Variants in SNRPN observed in about 807,000 individuals in gnomAD.
SNRPN encodes the protein small nuclear ribonucleoprotein polypeptide N.
A neutral mutation model predicts 25.2 loss-of-function variants in SNRPN; 7 were observed. The ratio of observed to expected loss-of-function variants is 0.28; its 90% CI spans 0.16 to 0.52. The LOEUF is 0.52. SNRPN is among the 20% of genes least tolerant of loss of function. The probability of loss-of-function intolerance (pLI) is 0.96; values close to 1 mark genes in which losing one functional copy is unlikely to be tolerated. For synonymous variants in SNRPN, 124 were observed against 110.6 expected (o/e 1.12, Z -0.76); for missense variants, 196 against 322.5 (o/e 0.61, Z 3.00).
intron 2 of SNRPN, chr15:24,909,944 G>A (rs2059105704): frequency 6.0e-6 from 3 of 501,144 alleles, no homozygotes; most frequent in East Asian, 3.3e-5. Context: ...CAAGGTATCT[G>A]TGTAAAATGC....
intron 2 of SNRPN, among the ~76,000 whole-genome samples, chr15:24,899,975 A>T (rs938430688): frequency 6.6e-6 from 1 of 152,186 alleles, no homozygotes; most frequent in Admixed American, 6.5e-5. Flanking sequence ...GTTTGGGCAC[A>T]TTCCACAGCT....
rs550703752 is a variant in SNRPN, at chr15:24,923,057, C to A, written c.-391+2933C>A. ...TGTAACTGGGACTACAGGCACCTGC[C>A]ACCACACCCAGCTAATTTTTGTATT... On this transcript the variant is annotated intron_variant, in intron 3 of 11. Transcript: ENST00000400097. Among the ~76,000 whole-genome samples the A allele has an allele frequency of 9.7e-4, 148 of 152,052 alleles. 2 individuals are homozygous for A. The highest frequency in any genetic ancestry group is 1.8e-3 in the Admixed American group (28 of 15,254).
At chr15:24,910,693 T>C (rs35116590) in intron 2 of SNRPN, among the ~76,000 whole-genome samples, 26,646 of 151,928 alleles carry the variant, frequency 0.18, 2,705 homozygotes, top group East Asian at 0.28. Context: ...TGGGGTTTCA[T>C]CATATTGGCC....
intron 1 of SNRPN, among the ~76,000 whole-genome samples, chr15:24,879,655 T>C (rs913122651): frequency 6.6e-5 from 10 of 152,188 alleles, no homozygotes; most frequent in Admixed American, 2.0e-4. Context: ...ATGAACAACA[T>C]CACATATTTT....
chr15:24,868,530 G>A (rs982877445), intron 1 of SNRPN, among the ~76,000 whole-genome samples: 4 of 152,154 alleles, frequency 2.6e-5, no homozygotes, highest in African/African-American at 9.7e-5. Flanking sequence ...TTCAAAATAA[G>A]TCAAGGTTGC....
chr15:24,950,469 GT>G (rs1276174677), upstream of SNRPN, among the ~76,000 whole-genome samples: 1 of 147,668 alleles, frequency 6.8e-6, no homozygotes, highest in East Asian at 2.1e-4. Context: ...GCCACCACCA[GT>G]TTTTTAGCTA....
At chr15:24,878,516 C>T (rs544688565) in intron 1 of SNRPN, among the ~76,000 whole-genome samples, 1 of 152,350 alleles carries the variant, frequency 6.6e-6, no homozygotes, top group East Asian at 1.9e-4. Context: ...ATGGCGCCCG[C>T]CGGGAGTCTC....
At chr15:24,868,475 T>G (rs1304605127) in intron 1 of SNRPN, among the ~76,000 whole-genome samples, 1 of 152,184 alleles carries the variant, frequency 6.6e-6, no homozygotes, top group Admixed American at 6.5e-5. Flanking sequence ...TTACATAGCA[T>G]AATTACCCAT....
At chr15:24,920,068 C>T (rs1315527679) in exon 3 of SNRPN, 1 of 152,186 alleles carries the variant, frequency 6.6e-6, no homozygotes, top group Non-Finnish European at 1.5e-5. Flanking sequence ...CCACCAGAAT[C>T]TCCTCTACAG....
intron 2 of SNRPN, among the ~76,000 whole-genome samples, chr15:24,919,646 T>G (rs1479146116): frequency 6.6e-6 from 1 of 152,054 alleles, no homozygotes; most frequent in Non-Finnish European, 1.5e-5. Flanking sequence ...TAAACCAGCC[T>G]AACAGGATTT....
chr15:24,884,121 G>C (rs988700365), intron 1 of SNRPN, among the ~76,000 whole-genome samples: 1 of 141,194 alleles, frequency 7.1e-6, no homozygotes, highest in Non-Finnish European at 1.5e-5. Context: ...AGACCAGCCT[G>C]GGCAACATGG....
At chr15:24,925,497 T>G (rs1451540987) in intron 3 of SNRPN, among the ~76,000 whole-genome samples, 1 of 152,080 alleles carries the variant, frequency 6.6e-6, no homozygotes, top group African/African-American at 2.4e-5. Context: ...AACACTTCCC[T>G]GGCTCCACAC....
chr15:24,968,667 A>G (rs186562025), intron 3 of SNRPN: 103 of 152,608 alleles, frequency 6.7e-4, no homozygotes, highest in South Asian at 1.2e-3. Context: ...ATAAATACAC[A>G]GCACATAATT....
chr15:24,959,728 G>C (rs995127431), intron 1 of SNRPN, among the ~76,000 whole-genome samples: 2 of 152,078 alleles, frequency 1.3e-5, no homozygotes, highest in Non-Finnish European at 2.9e-5. Context: ...TCCTTTTTAT[G>C]GCTGAAAGAC....
chr15:24,978,271 T>C lies in SNRPN; in HGVS notation c.638T>C (p.Ile213Thr). 1 of 1,614,094 alleles carries C rather than the reference T, an allele frequency of 6.2e-7. No homozygotes were observed. Among genetic ancestry groups the C allele is most frequent in the Non-Finnish European group, 8.5e-7 (1 of 1,179,964 alleles). Reference sequence around the variant, plus strand: ...CTTCCCCCTGCTCGAGGGACGCCAATAGGCATGCCGCCTCCGGGAATGAGA... The same window carrying C: ...CTTCCCCCTGCTCGAGGGACGCCAACAGGCATGCCGCCTCCGGGAATGAGA... ...IGLPPARGTP[I>T]GMPPPGMRPP... The change falls in exon 9 of 10, where the codon ATA becomes ACA. Residue 213 changes from isoleucine (I) to threonine (T), a missense_variant. Coordinates refer to ENST00000390687, the MANE Select transcript of SNRPN (RefSeq NM_003097.6).
At chr15:24,825,092 T>G (rs1471365129) in intron 1 of SNRPN, among the ~76,000 whole-genome samples, 1 of 151,990 alleles carries the variant, frequency 6.6e-6, no homozygotes, top group Non-Finnish European at 1.5e-5. Context: ...CCAAGAGCAT[T>G]GATAGTTTAT....
intron 6 of SNRPN, 22 bp from the exon 7 acceptor site, chr15:24,976,855 G>T: frequency 6.2e-7 from 1 of 1,602,410 alleles, no homozygotes; most frequent in Non-Finnish European, 8.5e-7. Context: ...TTGATTTTAG[G>T]CTATGAATTT....
intron 2 of SNRPN, among the ~76,000 whole-genome samples, chr15:24,838,618 G>A (rs921860109): frequency 1.3e-5 from 2 of 152,132 alleles, no homozygotes; most frequent in Non-Finnish European, 1.5e-5. Context: ...GATTGAGCTG[G>A]TGTAGCCAGT....
rs35835568 is a variant in SNRPN at position 24,915,968 on chromosome 15, C to CTTTTTTTTTT, written c.-504-4031_-504-4022dup. On this transcript the variant is annotated intron_variant, in intron 2 of 11. Transcript: ENST00000400097. ...TGTGGTTTTTTTTTGGCCAGGTTGA[C>CTTTTTTTTTT]TTTTTTTTTTTTTTTTTTTTTGAGA... Among the ~76,000 whole-genome samples the CTTTTTTTTTT allele has an allele frequency of 2.1e-5, 2 of 97,378 alleles. 1 individual carries two copies. 63.9% of individuals were successfully genotyped at this position (97,378 alleles called of 152,430 possible).
Sources: allele counts gnomAD v4.1 joint callset (sites outside exome capture counted in the v4.1 genomes callset), GRCh38; gene constraint gnomAD v4.1.1; transcripts MANE v1.5; gene names NCBI Gene and HGNC (gene_info 2026-07-23, HGNC 2026-07-21).